Variants in SPIDR observed in about 807,000 individuals in gnomAD.
SPIDR encodes DNA repair-scaffolding protein.
Under a neutral mutation model 104.6 loss-of-function variants are expected in SPIDR, and 93 were observed. That is an observed-to-expected ratio of 0.89 (90% CI 0.75 to 1.06). The LOEUF (loss-of-function observed/expected upper bound fraction) is 1.06, where lower values mean the gene tolerates loss of function less well. Among genes scored for constraint, SPIDR ranks in the 50% least tolerant of loss-of-function variants. The pLI is 0.00. For synonymous variants in SPIDR, 431 were observed against 416.9 expected (o/e 1.03, Z -0.41); for missense variants, 1,154 against 1,111.2 (o/e 1.04, Z -0.55).
At chr8:47,269,648 C>T (rs893658597) in intron 1 of SPIDR, among the ~76,000 whole-genome samples, 1 of 151,658 alleles carries the variant, frequency 6.6e-6, no homozygotes, top group Admixed American at 6.6e-5. Context: ...CCAATTTAGA[C>T]ATCTTTTATT....
intron 8 of SPIDR, among the ~76,000 whole-genome samples, chr8:47,577,585 G>A (rs2059264730): frequency 6.6e-6 from 1 of 152,192 alleles, no homozygotes; most frequent in Admixed American, 6.5e-5. Flanking sequence ...GTATTCGCAG[G>A]CATCCTGTGT....
intron 10 of SPIDR, among the ~76,000 whole-genome samples, chr8:47,666,917 T>C (rs2075010140): frequency 6.6e-6 from 1 of 152,178 alleles, no homozygotes; most frequent in South Asian, 2.1e-4. Flanking sequence ...AAATACTAAA[T>C]ATTAAAATTT....
chr8:47,571,268 T>C (rs963636618), intron 8 of SPIDR, among the ~76,000 whole-genome samples: 6 of 152,194 alleles, frequency 3.9e-5, no homozygotes, highest in Non-Finnish European at 7.3e-5. Flanking sequence ...TGACATTTGC[T>C]GAGAGAGTGG....
intron 11 of SPIDR, among the ~76,000 whole-genome samples, chr8:47,696,965 C>T (rs935168715): frequency 6.6e-6 from 1 of 152,086 alleles, no homozygotes; most frequent in Non-Finnish European, 1.5e-5. Flanking sequence ...CCCTGGAGGA[C>T]GTGAGTTGGC....
intron 5 of SPIDR, among the ~76,000 whole-genome samples, chr8:47,327,581 G>A (rs782787145): frequency 2.0e-5 from 3 of 151,552 alleles, no homozygotes; most frequent in Non-Finnish European, 4.4e-5. Context: ...TTTCCCCCTC[G>A]AGGCAGAGTC....
chr8:47,372,635 G>GATA lies in SPIDR; in HGVS notation c.526-23725_526-23723dup, dbSNP rs781842229. 5.3e-5 allele frequency among the ~76,000 whole-genome samples: 8 copies of GATA among 151,490 alleles called. No homozygotes were observed. The South Asian group carries it at 6.3e-4, about 12-fold the overall frequency. ...AGCGAGACTCCGTCTCAAAAATAAT[G>GATA]ATAATAATAATAATAATATAATAAT... is the stretch of plus-strand genomic sequence containing the variant. On this transcript the variant is annotated intron_variant, in intron 5 of 19. Coordinates refer to ENST00000297423, the MANE Select transcript of SPIDR (RefSeq NM_001080394.4).
At chr8:47,401,045 A>G (rs1250299018) in intron 6 of SPIDR, among the ~76,000 whole-genome samples, 1 of 152,118 alleles carries the variant, frequency 6.6e-6, no homozygotes, top group African/African-American at 2.4e-5. Flanking sequence ...CACATTCATC[A>G]AGGTTGAAAT....
chr8:47,468,868 C>T (rs915793909), intron 8 of SPIDR, among the ~76,000 whole-genome samples: 1 of 152,034 alleles, frequency 6.6e-6, no homozygotes, highest in Non-Finnish European at 1.5e-5. Flanking sequence ...AGCCTCTGCA[C>T]GGCAAAAGAA....
Position 47,735,417 on chromosome 8 carries a change from T to G in SPIDR, c.2715T>G (p.Leu905=), listed in dbSNP as rs776853408. 5 of 1,614,028 alleles carry G rather than the reference T, an allele frequency of 3.1e-6. No homozygotes were observed. The highest frequency in any genetic ancestry group is 1.7e-5 in the Admixed American group (1 of 60,000). The change falls in exon 20 of 20, where the codon CTT becomes CTG. Residue 905 remains leucine (L), a synonymous_variant. Coordinates refer to ENST00000297423, the MANE Select transcript of SPIDR (RefSeq NM_001080394.4). The part of the protein sequence containing the change: ...TSCIGLEEIE[L]LSAGGASAEH The stretch of plus-strand genomic sequence containing the variant: ...GCATTGGATTGGAGGAAATCGAGCT[T>G]CTGAGTGCAGGAGGGGCCTCTGCAG...
chr8:47,460,544 A>G (rs1345009115), intron 8 of SPIDR, among the ~76,000 whole-genome samples: 2 of 152,044 alleles, frequency 1.3e-5, no homozygotes, highest in Non-Finnish European at 2.9e-5. Context: ...CCTTAAGTTT[A>G]TCTGAGTCCT....
rs375698402 is a variant in SPIDR at position 47,673,838 on chromosome 8, G to A, written c.1582G>A (p.Gly528Ser). 166 of 1,614,066 alleles carry A rather than the reference G, an allele frequency of 1.0e-4. No homozygotes were observed. Among genetic ancestry groups the A allele is most frequent in the African/African-American group, 8.9e-4 (67 of 74,986 alleles). The change falls in exon 11 of 20, where the codon GGT (glycine) becomes AGT (serine). Residue 528 changes from glycine to serine, a missense_variant. By Grantham distance (56) the Gly-to-Ser change is moderately conservative (BLOSUM62 0). Coordinates refer to ENST00000297423, the MANE Select transcript of SPIDR (RefSeq NM_001080394.4). ...GGTACAAGATGCCTGTGGAATGTTC[G>A]GTGAAGTGCACTTGGAGTTCACCAT... ...LLVQDACGMF[G>S]EVHLEFTMSK... is the part of the protein sequence containing the mutation.
In SPIDR at chr8:47,689,899, C is replaced by A. The variant is rs188814105; in HGVS notation, c.1686-10504C>A. On this transcript the variant is annotated intron_variant, in intron 11 of 19. Transcript: ENST00000297423. The stretch of plus-strand genomic sequence containing the variant: ...TTGTTTTCTTCTTCATTATTTGGCA[C>A]GTCAATGTAAATTATTTTAATAGGA... Among the ~76,000 whole-genome samples the A allele has an allele frequency of 4.4e-3, 673 of 152,192 alleles. 7 individuals carry two copies. Among genetic ancestry groups the A allele is most frequent in the Middle Eastern group, 0.014 (4 of 294 alleles).
intron 8 of SPIDR, among the ~76,000 whole-genome samples, chr8:47,499,162 C>T (rs2079922755): frequency 6.6e-6 from 1 of 152,156 alleles, no homozygotes; most frequent in Non-Finnish European, 1.5e-5. Flanking sequence ...TGGAAAATTG[C>T]TTTGGTAATA....
chr8:47,512,453 C>A (rs752384802), intron 8 of SPIDR, among the ~76,000 whole-genome samples: 11 of 152,230 alleles, frequency 7.2e-5, no homozygotes, highest in Non-Finnish European at 1.6e-4. Flanking sequence ...AAAGCCAGCT[C>A]TGTTCCCCCT....
chr8:47,296,122 G>A (rs1033246928), intron 5 of SPIDR, among the ~76,000 whole-genome samples: 1 of 152,146 alleles, frequency 6.6e-6, no homozygotes, highest in East Asian at 1.9e-4. Flanking sequence ...TTTAAATTGG[G>A]TTCTTTGTTT....
At chr8:47,603,743 C>T (rs906992985) in intron 10 of SPIDR, among the ~76,000 whole-genome samples, 4 of 152,076 alleles carry the variant, frequency 2.6e-5, no homozygotes, top group African/African-American at 9.7e-5. Context: ...TCTTTCTTGC[C>T]CTTCATTGCA....
chr8:47,485,653 A>G (rs1586516908), intron 8 of SPIDR, among the ~76,000 whole-genome samples: 1 of 152,232 alleles, frequency 6.6e-6, no homozygotes, highest in East Asian at 1.9e-4. Flanking sequence ...CTCTGAGACA[A>G]AGCTTCCAGA....
intron 7 of SPIDR, among the ~76,000 whole-genome samples, chr8:47,412,514 A>C (rs2063681190): frequency 6.6e-6 from 1 of 152,212 alleles, no homozygotes; most frequent in South Asian, 2.1e-4. Flanking sequence ...GAAGTGCCCA[A>C]AATGACTTTC....
At chr8:47,476,890 C>CA (rs1298351578) in intron 8 of SPIDR, among the ~76,000 whole-genome samples, 2 of 152,160 alleles carry the variant, frequency 1.3e-5, no homozygotes, top group East Asian at 1.9e-4. Flanking sequence ...CTGGTAGTGA[C>CA]ACCTTAGAAA....
Sources: allele counts gnomAD v4.1 joint callset (sites outside exome capture counted in the v4.1 genomes callset), GRCh38; gene constraint gnomAD v4.1.1; transcripts MANE v1.5; gene names NCBI Gene and HGNC (gene_info 2026-07-23, HGNC 2026-07-21).